Variants in ANKS1B observed in about 807,000 individuals in gnomAD.
The protein encoded by ANKS1B is ankyrin repeat and sterile alpha motif domain containing 1B, also known as ankyrin repeat and sterile alpha motif domain-containing protein 1B.
A neutral mutation model predicts 148.3 loss-of-function variants in ANKS1B; 36 were observed. The ratio of observed to expected loss-of-function variants is 0.24; its 90% CI spans 0.19 to 0.32. ANKS1B has a LOEUF of 0.32. Among genes scored for constraint, ANKS1B ranks in the 10% least tolerant of loss-of-function variants. The pLI is 1.00. For missense variants in ANKS1B, 1,157 were observed against 1,542.6 expected (o/e 0.75, Z 4.19); for synonymous variants, 542 against 560.8 (o/e 0.97, Z 0.47).
At chr12:99,325,315 T>C (rs1478620033) in intron 12 of ANKS1B, among the ~76,000 whole-genome samples, 1 of 152,068 alleles carries the variant, frequency 6.6e-6, no homozygotes, top group Non-Finnish European at 1.5e-5. Flanking sequence ...GAATTTACAC[T>C]GAAGCTTGGG....
intron 14 of ANKS1B, among the ~76,000 whole-genome samples, chr12:99,192,432 A>T (rs2080859048): frequency 6.6e-6 from 1 of 152,078 alleles, no homozygotes; most frequent in African/African-American, 2.4e-5. Context: ...ATTATTCATG[A>T]TTTCTTCTGA....
At chr12:99,091,478 A>G (rs1270121760) in intron 15 of ANKS1B, among the ~76,000 whole-genome samples, 1 of 152,228 alleles carries the variant, frequency 6.6e-6, no homozygotes, top group Admixed American at 6.5e-5. Context: ...AAAATAATTT[A>G]TACAGTAATT....
At chr12:99,148,937 C>A (rs2074071520) in intron 15 of ANKS1B, among the ~76,000 whole-genome samples, 1 of 152,022 alleles carries the variant, frequency 6.6e-6, no homozygotes, top group Non-Finnish European at 1.5e-5. Context: ...ACCCACTCAA[C>A]TCTGAGCCTA....
chr12:99,126,465 T>G (rs1056210689), intron 15 of ANKS1B, among the ~76,000 whole-genome samples: 5 of 152,162 alleles, frequency 3.3e-5, no homozygotes, highest in Admixed American at 6.5e-5. Flanking sequence ...CCGTAAAATA[T>G]TCATTTCTTT....
intron 14 of ANKS1B, among the ~76,000 whole-genome samples, chr12:99,210,200 A>T (rs947512917): frequency 2.6e-5 from 4 of 152,162 alleles, no homozygotes; most frequent in African/African-American, 9.7e-5. Flanking sequence ...AATCAGCCAG[A>T]AGCCCCTCTC....
At chr12:99,907,151 C>T (rs7976205) in intron 1 of ANKS1B, among the ~76,000 whole-genome samples, 92,144 of 152,076 alleles carry the variant, frequency 0.61, 29,055 homozygotes, top group Middle Eastern at 0.7. Flanking sequence ...AAGGTTGGGA[C>T]TCATGGTGGG....
At chr12:99,479,664 A>T (rs1435765597) in intron 10 of ANKS1B, among the ~76,000 whole-genome samples, 2 of 151,962 alleles carry the variant, frequency 1.3e-5, no homozygotes, top group Non-Finnish European at 2.9e-5. Flanking sequence ...TTGTATGTGG[A>T]ATCTAGAAAA....
intron 4 of ANKS1B, among the ~76,000 whole-genome samples, chr12:99,801,424 T>C (rs1370651355): frequency 1.3e-5 from 2 of 152,198 alleles, no homozygotes; most frequent in Non-Finnish European, 2.9e-5. Context: ...TTGTCAGTGC[T>C]GATGATGAAT....
intron 14 of ANKS1B, among the ~76,000 whole-genome samples, chr12:99,214,167 T>C (rs778368511): frequency 3.9e-5 from 6 of 152,326 alleles, no homozygotes; most frequent in Middle Eastern, 3.4e-3. Flanking sequence ...TCTTTCACTA[T>C]ATATGATATA....
intron 17 of ANKS1B, among the ~76,000 whole-genome samples, chr12:98,881,638 C>T (rs1053364452): frequency 6.6e-6 from 1 of 152,070 alleles, no homozygotes; most frequent in Non-Finnish European, 1.5e-5. Flanking sequence ...AACCTGAATG[C>T]TAATATTATA....
chr12:99,740,467 C>A (rs1288768530), intron 8 of ANKS1B, among the ~76,000 whole-genome samples: 12 of 152,130 alleles, frequency 7.9e-5, no homozygotes, highest in African/African-American at 2.7e-4. Flanking sequence ...CACAGCATGT[C>A]AGGCAAAAGT....
intron 12 of ANKS1B, among the ~76,000 whole-genome samples, chr12:99,333,980 T>C (rs1039253134): frequency 6.6e-6 from 1 of 151,714 alleles, no homozygotes; most frequent in African/African-American, 2.4e-5. Context: ...TGGAGCTTTA[T>C]GGCTGGTGTG....
At chr12:99,486,147 G>T (rs2096485490) in intron 10 of ANKS1B, among the ~76,000 whole-genome samples, 1 of 151,462 alleles carries the variant, frequency 6.6e-6, no homozygotes, top group African/African-American at 2.4e-5. Context: ...TTCTCATTTG[G>T]GTAGACTATT....
At chr12:98,945,877 T>C (rs2099844722) in intron 17 of ANKS1B, among the ~76,000 whole-genome samples, 2 of 152,208 alleles carry the variant, frequency 1.3e-5, no homozygotes, top group African/African-American at 4.8e-5. Flanking sequence ...GCTTCCAGAA[T>C]TTTCAGTTTT....
chr12:99,569,473 T>C (rs1597274880), intron 9 of ANKS1B, among the ~76,000 whole-genome samples: 2 of 152,284 alleles, frequency 1.3e-5, no homozygotes, highest in East Asian at 1.9e-4. Context: ...ACATGTAAAA[T>C]ACCCGGCACA....
At chr12:99,717,709 C>G (rs1365081752) in intron 8 of ANKS1B, among the ~76,000 whole-genome samples, 1 of 152,098 alleles carries the variant, frequency 6.6e-6, no homozygotes, top group African/African-American at 2.4e-5. Context: ...ATCACGGACG[C>G]CGAGCTTTAA....
chr12:99,115,948 AAAAAAAG>A lies in ANKS1B; in HGVS notation c.2527-30932_2527-30926del, dbSNP rs1381123929. Among the ~76,000 whole-genome samples the A allele has an allele frequency of 3.6e-3, 553 of 151,894 alleles. 20 individuals are homozygous for A. In the East Asian group the frequency reaches 0.08, roughly 22 times the overall value. ...ACTCCGTCTCAAAAAAAAAAAAAAA[AAAAAAAG>A]ATGCTCTTAAGCTGGATTGCCTGTG... On this transcript the variant is annotated intron_variant, in intron 15 of 26. Transcript: ENST00000683438.
chr12:99,901,780 C>T lies in ANKS1B; in HGVS notation c.135-76391G>A, dbSNP rs534756150. ...GTTTTGTCTGCCTAACACAACATTC[C>T]CTTCTTATGGAATGGCAACTAATGG... On this transcript the variant is annotated intron_variant, in intron 1 of 26. Coordinates refer to ENST00000683438, the MANE Select transcript of ANKS1B (RefSeq NM_001352186.2). 2.6e-5 allele frequency among the ~76,000 whole-genome samples: 4 copies of T among 151,714 alleles called. No individual in the cohort carries two copies. The East Asian group carries it at 7.7e-4, about 29-fold the overall frequency.
intron 12 of ANKS1B, among the ~76,000 whole-genome samples, chr12:99,334,147 T>TAGAC (rs1256203449): frequency 2.7e-5 from 4 of 150,228 alleles, no homozygotes; most frequent in Admixed American, 2.0e-4. Context: ...GATAGATAGA[T>TAGAC]AGATAGACAG....
Sources: gnomAD v4.1 joint callset for allele counts (sites outside exome capture counted in the v4.1 genomes callset) on GRCh38, gnomAD v4.1.1 for gene constraint, MANE v1.5 for transcripts, NCBI Gene and HGNC (gene_info 2026-07-23, HGNC 2026-07-21) for gene names.